The following TMEM132B variants were observed in gnomAD, a reference collection of about 807,000 sequenced individuals.
The protein encoded by TMEM132B is transmembrane protein 132B.
In TMEM132B, 18 loss-of-function variants were observed where a neutral mutation model predicts 90.8. The ratio of observed to expected loss-of-function variants is 0.20; its 90% CI spans 0.14 to 0.29. TMEM132B has a LOEUF of 0.29. TMEM132B is among the 10% of genes least tolerant of loss of function. The pLI, the probability that TMEM132B is intolerant of heterozygous loss-of-function variation, is 1.00. For missense variants in TMEM132B, 1,096 were observed against 1,326.8 expected, an observed-to-expected ratio of 0.83 and a Z score of 2.70; for synonymous variants, 504 against 523.3, an observed-to-expected ratio of 0.96 and a Z score of 0.50.
intron 1 of TMEM132B, among the ~76,000 whole-genome samples, chr12:125,263,547 C>G (rs537875250): frequency 6.6e-6 from 1 of 152,312 alleles, no homozygotes; most frequent in African/African-American, 2.4e-5. Context: ...CATGTGAGGT[C>G]TTCGTGCATA....
intron 4 of TMEM132B, among the ~76,000 whole-genome samples, chr12:125,578,442 C>A (rs1328425735): frequency 6.6e-6 from 1 of 152,082 alleles, no homozygotes; most frequent in South Asian, 2.1e-4. Flanking sequence ...TTATGCAGTT[C>A]TCCTTTAAAT....
chr12:125,510,404 G>A (rs891143935), intron 3 of TMEM132B, among the ~76,000 whole-genome samples: 4 of 152,188 alleles, frequency 2.6e-5, no homozygotes, highest in African/African-American at 9.7e-5. Context: ...TCCTGTGTTT[G>A]GGAAGTGGGG....
chr12:125,572,031 G>C (rs1338858963), intron 4 of TMEM132B, among the ~76,000 whole-genome samples: 1 of 152,182 alleles, frequency 6.6e-6, no homozygotes, highest in Non-Finnish European at 1.5e-5. Flanking sequence ...CTTTTAGGCT[G>C]TGACATATTT....
intron 3 of TMEM132B, among the ~76,000 whole-genome samples, chr12:125,514,656 T>G (rs1883061620): frequency 6.6e-6 from 1 of 152,230 alleles, no homozygotes; most frequent in Non-Finnish European, 1.5e-5. Context: ...ATAATCTATG[T>G]AAATGACACA....
intron 4 of TMEM132B, among the ~76,000 whole-genome samples, chr12:125,578,006 T>C (rs1275021735): frequency 6.6e-6 from 1 of 152,138 alleles, no homozygotes; most frequent in East Asian, 1.9e-4. Flanking sequence ...TTGAGACTTG[T>C]TTAATGGCCT....
At chr12:125,223,783 T>G (rs11058073) in intron 1 of TMEM132B, among the ~76,000 whole-genome samples, 11,196 of 152,150 alleles carry the variant, frequency 0.074, 542 homozygotes, top group African/African-American at 0.13. Flanking sequence ...TCTTTCACTT[T>G]GTATAATATT....
rs554645730 is a variant in TMEM132B at position 125,377,972 on chromosome 12, T to TGAAA, written c.959+27630_959+27631insAAAG. 3.3e-3 allele frequency among the ~76,000 whole-genome samples: 498 copies of TGAAA among 152,222 alleles called. 1 individual carries two copies. Among genetic ancestry groups the TGAAA allele is most frequent in the African/African-American group, 0.012 (481 of 41,542 alleles). On this transcript the variant is annotated intron_variant, in intron 2 of 8. Transcript: ENST00000682704. ...GTTCATGTGAAGGGGGTTTCAAGAA[T>TGAAA]GTTTTGAAAGCTAGGTATTTAGGGA...
chr12:125,195,677 A>G (rs1473234691), intron 1 of TMEM132B, among the ~76,000 whole-genome samples: 2 of 151,994 alleles, frequency 1.3e-5, no homozygotes, highest in African/African-American at 4.8e-5. Context: ...TGTATTACAG[A>G]CGTGAGCCAC....
intron 5 of TMEM132B, among the ~76,000 whole-genome samples, chr12:125,627,362 T>C (rs994016079): frequency 7.2e-5 from 11 of 152,080 alleles, no homozygotes; most frequent in African/African-American, 2.2e-4. Context: ...CTTTGTACTT[T>C]TCATTTAAAG....
intron 1 of TMEM132B, among the ~76,000 whole-genome samples, chr12:125,238,507 C>G (rs1389119398): frequency 1.3e-5 from 2 of 152,048 alleles, no homozygotes; most frequent in African/African-American, 4.8e-5. Flanking sequence ...AGTTAATTCC[C>G]GGGAGCATTA....
At chr12:125,336,333 T>C (rs1390783029) in intron 1 of TMEM132B, among the ~76,000 whole-genome samples, 2 of 152,160 alleles carry the variant, frequency 1.3e-5, no homozygotes, top group African/African-American at 2.4e-5. Flanking sequence ...TTGCTCCTCT[T>C]TACTGCCGAG....
chr12:125,217,747 C>A (rs1417690276), intron 1 of TMEM132B, among the ~76,000 whole-genome samples: 2 of 152,332 alleles, frequency 1.3e-5, no homozygotes, highest in East Asian at 3.9e-4. Flanking sequence ...AGCTACCACG[C>A]CTGGCCTTCC....
chr12:125,591,263 T>G (rs1885311948), intron 5 of TMEM132B, among the ~76,000 whole-genome samples: 1 of 152,204 alleles, frequency 6.6e-6, no homozygotes, highest in Non-Finnish European at 1.5e-5. Flanking sequence ...GCTGCATTCC[T>G]TCTGGAAGCT....
At chr12:125,482,374 C>A (rs1339279444) in intron 3 of TMEM132B, among the ~76,000 whole-genome samples, 1 of 152,182 alleles carries the variant, frequency 6.6e-6, no homozygotes, top group Non-Finnish European at 1.5e-5. Flanking sequence ...GGGCTAATAT[C>A]CAGAATCTAC....
intron 1 of TMEM132B, among the ~76,000 whole-genome samples, chr12:125,342,891 T>C (rs570959151): frequency 6.6e-6 from 1 of 152,324 alleles, no homozygotes; most frequent in East Asian, 1.9e-4. Flanking sequence ...GTGTTTTATG[T>C]AGTTGAGAAA....
chr12:125,643,136 G>T (rs886188964), intron 5 of TMEM132B, among the ~76,000 whole-genome samples: 2 of 152,184 alleles, frequency 1.3e-5, no homozygotes, highest in African/African-American at 4.8e-5. Context: ...GTGAGGAAGA[G>T]AAGCAACAAG....
intron 4 of TMEM132B, among the ~76,000 whole-genome samples, chr12:125,552,378 G>C (rs554006724): frequency 6.6e-6 from 1 of 152,186 alleles, no homozygotes; most frequent in Non-Finnish European, 1.5e-5. Flanking sequence ...GAGACAGAGG[G>C]GGGTGCCCTG....
intron 6 of TMEM132B, among the ~76,000 whole-genome samples, chr12:125,647,239 T>C (rs1383390303): frequency 1.3e-5 from 2 of 152,128 alleles, no homozygotes; most frequent in African/African-American, 4.8e-5. Flanking sequence ...AGATCTAGGA[T>C]TCCCGTAATT....
At chr12:125,603,782 A>G (rs1322910285) in intron 5 of TMEM132B, among the ~76,000 whole-genome samples, 2 of 152,196 alleles carry the variant, frequency 1.3e-5, no homozygotes, top group South Asian at 2.1e-4. Context: ...AAAAGTGGGC[A>G]AAGGATATGA....
Sources: allele counts gnomAD v4.1 joint callset (sites outside exome capture counted in the v4.1 genomes callset), GRCh38; gene constraint gnomAD v4.1.1; transcripts MANE v1.5; gene names NCBI Gene and HGNC (gene_info 2026-07-23, HGNC 2026-07-21).